Variants in RERE observed in about 807,000 individuals in gnomAD.
The protein encoded by RERE is arginine-glutamic acid dipeptide repeats.
A neutral mutation model predicts 146.1 loss-of-function variants in RERE; 40 were observed. The observed-to-expected ratio is 0.27, with a 90% CI of 0.21 to 0.36. The LOEUF (loss-of-function observed/expected upper bound fraction) is 0.36. Among genes scored for constraint, RERE ranks in the 10% least tolerant of loss-of-function variants. RERE has a pLI of 1.00. For synonymous variants in RERE, 1,003 were observed against 866.0 expected, an observed-to-expected ratio of 1.16 and a Z score of -2.78; for missense variants, 1,933 against 2,138.7, an observed-to-expected ratio of 0.90 and a Z score of 1.90.
intron 12 of RERE, among the ~76,000 whole-genome samples, chr1:8,404,333 G>C (rs1643374689): frequency 6.6e-6 from 1 of 152,014 alleles, no homozygotes; most frequent in Admixed American, 6.6e-5. Flanking sequence ...CAGGAGAATG[G>C]CATGAACCCA....
chr1:8,534,493 A>G (rs369028487), intron 7 of RERE, among the ~76,000 whole-genome samples: 2 of 152,150 alleles, frequency 1.3e-5, no homozygotes, highest in Non-Finnish European at 2.9e-5. Flanking sequence ...AAACACACGC[A>G]CTCCCTAGCT....
chr1:8,403,976 ACGCGTCAC>A (rs1262394791), intron 12 of RERE, among the ~76,000 whole-genome samples: 1 of 151,534 alleles, frequency 6.6e-6, no homozygotes, highest in Non-Finnish European at 1.5e-5. Context: ...GATTACAGGC[ACGCGTCAC>A]CACGTCCAGC....
intron 7 of RERE, among the ~76,000 whole-genome samples, chr1:8,527,612 T>G (rs566170002): frequency 6.6e-6 from 1 of 152,328 alleles, no homozygotes; most frequent in East Asian, 1.9e-4. Context: ...TGGATTCTAA[T>G]TTTGGTCTCA....
Position 8,786,551 on chromosome 1 carries a change from C to T in RERE, c.-145+30609G>A, listed in dbSNP as rs562802300. ...GGCTCTACAATCCTCAGCATGTTAACTGAAGCCTTGTTGAGCTTCACAAAG... is the reference window on the plus strand; with the variant it reads ...GGCTCTACAATCCTCAGCATGTTAATTGAAGCCTTGTTGAGCTTCACAAAG... On this transcript the variant is annotated intron_variant, in intron 1 of 22. Coordinates refer to ENST00000400908, the MANE Select transcript of RERE (RefSeq NM_001042681.2). 304 of 778,792 alleles carry T rather than the reference C, an allele frequency of 3.9e-4. 2 individuals are homozygous for T. The highest frequency in any genetic ancestry group is 6.2e-4 in the African/African-American group (37 of 59,504). The allele number at this position is 778,792 out of a possible 1,614,324, so 48.2% of individuals were successfully genotyped here.
intron 1 of RERE, among the ~76,000 whole-genome samples, chr1:8,672,983 G>A (rs1206973935): frequency 1.3e-5 from 2 of 152,200 alleles, no homozygotes; most frequent in Non-Finnish European, 2.9e-5. Context: ...AGGACAGAAT[G>A]ACTAGAATCA....
chr1:8,801,646 C>T (rs1228472943), intron 1 of RERE, among the ~76,000 whole-genome samples: 1 of 152,168 alleles, frequency 6.6e-6, no homozygotes, highest in African/African-American at 2.4e-5. Context: ...TATAAAATTT[C>T]ATAATATCCA....
At chr1:8,503,541 GTAT>G (rs2124278786) in intron 8 of RERE, among the ~76,000 whole-genome samples, 1 of 152,290 alleles carries the variant, frequency 6.6e-6, no homozygotes, top group East Asian at 1.9e-4. Context: ...CTATGAAATA[GTAT>G]TATAGAAGGG....
chr1:8,574,340 C>CTTTTTTTTTTTT (rs35921166), intron 4 of RERE, among the ~76,000 whole-genome samples: 1 of 87,218 alleles, frequency 1.1e-5, no homozygotes, highest in African/African-American at 4.7e-5. Flanking sequence ...TATATATAGT[C>CTTTTTTTTTTTT]TTTTTTTTTT....
At chr1:8,638,297 T>C (rs886452617) in intron 2 of RERE, among the ~76,000 whole-genome samples, 5 of 152,240 alleles carry the variant, frequency 3.3e-5, no homozygotes, top group African/African-American at 1.2e-4. Context: ...TGTGATGTGA[T>C]AGGAGAATAC....
At chr1:8,635,242 A>T (rs371718772) in intron 2 of RERE, among the ~76,000 whole-genome samples, 1 of 152,144 alleles carries the variant, frequency 6.6e-6, no homozygotes, top group Non-Finnish European at 1.5e-5. Context: ...GCAATCATCC[A>T]TCTCCTTATG....
rs1265656045 is a variant in RERE at position 8,361,398 on chromosome 1, G to A, written c.2109C>T (p.Asp703=). ...ACGTGCTGCGATTGTCCTGGTCGAT[G>A]TCTTTGGGGTCACTGCTACCCTCAT... ...VNDEGSSDPK[D]IDQDNRSTSP... is the part of the protein sequence containing the mutation. The change falls in exon 18 of 23, where the codon GAC becomes GAT. Residue 703 remains aspartate (D), a synonymous_variant. Coordinates refer to ENST00000400908, the MANE Select transcript of RERE (RefSeq NM_001042681.2). The A allele has an allele frequency of 6.2e-7, 1 of 1,613,902 alleles. No homozygotes were observed. The highest frequency in any genetic ancestry group is 8.5e-7 in the Non-Finnish European group (1 of 1,179,890).
At chr1:8,667,487 C>A (rs1227897362) in intron 1 of RERE, among the ~76,000 whole-genome samples, 2 of 152,194 alleles carry the variant, frequency 1.3e-5, no homozygotes, top group African/African-American at 2.4e-5. Context: ...ACGAGCCTGG[C>A]CCACATGGCG....
intron 2 of RERE, among the ~76,000 whole-genome samples, chr1:8,649,357 G>A (rs903086389): frequency 6.6e-6 from 1 of 152,050 alleles, no homozygotes; most frequent in Non-Finnish European, 1.5e-5. Flanking sequence ...ACTTCCAGAA[G>A]TCTTATTCTA....
chr1:8,526,073 C>T (rs1645566804), intron 7 of RERE: 1 of 1,170,242 alleles, frequency 8.5e-7, no homozygotes, highest in Admixed American at 4.8e-5. Context: ...AAAGCCCAGC[C>T]AACAGACTCT....
intron 1 of RERE, among the ~76,000 whole-genome samples, chr1:8,746,757 G>A (rs1350326073): frequency 1.3e-5 from 2 of 150,398 alleles, no homozygotes; most frequent in African/African-American, 4.9e-5. Flanking sequence ...AAGAGAAACA[G>A]CAAGAAGGCC....
At chr1:8,500,018 G>A (rs1463111802) in intron 8 of RERE, among the ~76,000 whole-genome samples, 1 of 152,198 alleles carries the variant, frequency 6.6e-6, no homozygotes, top group Non-Finnish European at 1.5e-5. Flanking sequence ...TACTTGGGAG[G>A]GTGAGGCAGG....
chr1:8,789,301 A>AAAAAAAAAAAAAAAAAATATATAT, intron 1 of RERE, among the ~76,000 whole-genome samples: 1 of 24,814 alleles, frequency 4.0e-5, no homozygotes, highest in African/African-American at 2.3e-4. Flanking sequence ...AAAAAAAAAA[A>AAAAAAAAAAAAAAAAAATATATAT]ATATATATAT....
chr1:8,411,446 C>G (rs1263684258), intron 12 of RERE, among the ~76,000 whole-genome samples: 1 of 151,660 alleles, frequency 6.6e-6, no homozygotes, highest in Non-Finnish European at 1.5e-5. Context: ...CCTGCTAGAA[C>G]TTCAAGTTTT....
chr1:8,459,870 T>C (rs1018700559), intron 11 of RERE, among the ~76,000 whole-genome samples: 2 of 152,240 alleles, frequency 1.3e-5, no homozygotes, highest in African/African-American at 4.8e-5. Flanking sequence ...ATCATCATTT[T>C]TGAATGACTA....
Sources: gnomAD v4.1 joint callset for allele counts (sites outside exome capture counted in the v4.1 genomes callset) on GRCh38, gnomAD v4.1.1 for gene constraint, MANE v1.5 for transcripts, NCBI Gene and HGNC (gene_info 2026-07-23, HGNC 2026-07-21) for gene names.